MAGI1: variants seen among roughly 807,000 people sequenced by gnomAD.
MAGI1 encodes membrane associated guanylate kinase, WW and PDZ domain containing 1.
In MAGI1, 58 loss-of-function variants were observed where a neutral mutation model predicts 139.9. That is an observed-to-expected ratio of 0.41 (90% CI 0.34 to 0.52). The LOEUF (loss-of-function observed/expected upper bound fraction) is 0.52. MAGI1 is among the 20% of genes least tolerant of loss of function. The pLI, the probability that MAGI1 is intolerant of heterozygous loss-of-function variation, is 0.12. For missense variants in MAGI1, 1,874 were observed against 1,901.6 expected (o/e 0.99, Z 0.27); for synonymous variants, 812 against 737.9 (o/e 1.10, Z -1.63).
intron 12 of MAGI1, among the ~76,000 whole-genome samples, chr3:65,428,171 C>T (rs1461900643): frequency 6.6e-6 from 1 of 152,106 alleles, no homozygotes; most frequent in African/African-American, 2.4e-5. Context: ...CAAATGAGCT[C>T]TCCTGTTGCA....
chr3:65,404,685 A>G (rs1306413176), intron 12 of MAGI1, among the ~76,000 whole-genome samples: 1 of 152,230 alleles, frequency 6.6e-6, no homozygotes, highest in Non-Finnish European at 1.5e-5. Flanking sequence ...AGCCCAAACT[A>G]TTCAGATGGA....
At chr3:65,455,984 C>T (rs528686441) in intron 5 of MAGI1, among the ~76,000 whole-genome samples, 14 of 152,264 alleles carry the variant, frequency 9.2e-5, no homozygotes, top group African/African-American at 2.6e-4. Context: ...TTGTTATAAA[C>T]ATTCATGTAC....
chr3:65,626,218 A>G (rs2083962759), intron 1 of MAGI1, among the ~76,000 whole-genome samples: 1 of 152,230 alleles, frequency 6.6e-6, no homozygotes, highest in African/African-American at 2.4e-5. Context: ...GAGTTTTCAG[A>G]TACAGTAACT....
At chr3:65,441,932 A>C (rs1948366150) in intron 8 of MAGI1, among the ~76,000 whole-genome samples, 1 of 152,214 alleles carries the variant, frequency 6.6e-6, no homozygotes, top group Non-Finnish European at 1.5e-5. Context: ...CATCACCAGC[A>C]GCATAAAGGA....
chr3:65,582,953 G>T (rs1008568648), intron 2 of MAGI1, among the ~76,000 whole-genome samples: 1 of 152,134 alleles, frequency 6.6e-6, no homozygotes, highest in Non-Finnish European at 1.5e-5. Context: ...CCACATATAT[G>T]ATTTTAAGTT....
At chr3:65,961,508 C>T (rs1038231968) in intron 1 of MAGI1, among the ~76,000 whole-genome samples, 3 of 152,068 alleles carry the variant, frequency 2.0e-5, no homozygotes, top group African/African-American at 7.2e-5. Flanking sequence ...GTAAAAACCC[C>T]CCAAAAATCC....
At chr3:65,411,307 T>C (rs1235241953) in intron 12 of MAGI1, among the ~76,000 whole-genome samples, 1 of 152,228 alleles carries the variant, frequency 6.6e-6, no homozygotes, top group Non-Finnish European at 1.5e-5. Context: ...TTGAGGCTTC[T>C]AGTACCTATA....
At chr3:65,500,685 C>T (rs974151285) in intron 2 of MAGI1, among the ~76,000 whole-genome samples, 2 of 152,166 alleles carry the variant, frequency 1.3e-5, no homozygotes, top group Non-Finnish European at 2.9e-5. Context: ...CAACGCCATG[C>T]GGTTTCAAGA....
chr3:65,544,184 T>C (rs895644593), intron 2 of MAGI1, among the ~76,000 whole-genome samples: 1 of 152,208 alleles, frequency 6.6e-6, no homozygotes, highest in Admixed American at 6.5e-5. Context: ...TTACAAATTA[T>C]AATAAATGAT....
intron 1 of MAGI1, among the ~76,000 whole-genome samples, chr3:65,891,431 C>T (rs900345769): frequency 3.3e-5 from 5 of 151,948 alleles, no homozygotes; most frequent in Admixed American, 6.6e-5. Flanking sequence ...AGGTAAGCAC[C>T]ATCAATAAAA....
intron 1 of MAGI1, among the ~76,000 whole-genome samples, chr3:65,861,083 C>T (rs1033009612): frequency 2.0e-5 from 3 of 152,154 alleles, no homozygotes; most frequent in Non-Finnish European, 2.9e-5. Context: ...ACAGCCACAA[C>T]GCGGCCTTTG....
At chr3:65,834,598 G>A (rs1471144514) in intron 1 of MAGI1, among the ~76,000 whole-genome samples, 1 of 152,176 alleles carries the variant, frequency 6.6e-6, no homozygotes, top group Admixed American at 6.5e-5. Context: ...GATTCAGTTA[G>A]CTGATGGTGT....
At chr3:65,395,023 A>G (rs1007535027) in intron 13 of MAGI1, among the ~76,000 whole-genome samples, 2 of 152,174 alleles carry the variant, frequency 1.3e-5, no homozygotes, top group African/African-American at 2.4e-5. Flanking sequence ...AAGAACATGG[A>G]AAAATGGAAA....
intron 1 of MAGI1, among the ~76,000 whole-genome samples, chr3:65,783,848 T>C (rs1577103519): frequency 6.7e-6 from 1 of 148,692 alleles, no homozygotes; most frequent in African/African-American, 2.5e-5. Context: ...GCAGGCCAGG[T>C]GTGGTGGCCC....
At chr3:65,714,096 G>A (rs370038224) in intron 1 of MAGI1, among the ~76,000 whole-genome samples, 10 of 152,212 alleles carry the variant, frequency 6.6e-5, no homozygotes, top group South Asian at 4.2e-4. Context: ...GCATGCCACC[G>A]CACTGGGTTG....
intron 1 of MAGI1, among the ~76,000 whole-genome samples, chr3:65,889,398 G>C (rs1018053131): frequency 4.6e-5 from 7 of 152,124 alleles, no homozygotes; most frequent in African/African-American, 1.7e-4. Context: ...TTTCTCTTCT[G>C]GGCTTAGCGA....
chr3:65,386,720 G>A (rs1943473089), intron 14 of MAGI1, among the ~76,000 whole-genome samples: 2 of 152,194 alleles, frequency 1.3e-5, no homozygotes, highest in South Asian at 4.1e-4. Context: ...TTTTGAGTGA[G>A]GCTAAATCAA....
intron 12 of MAGI1, among the ~76,000 whole-genome samples, chr3:65,424,696 C>T (rs1419962352): frequency 6.6e-6 from 1 of 152,150 alleles, no homozygotes; most frequent in Non-Finnish European, 1.5e-5. Flanking sequence ...AAAAGTCTGT[C>T]ACTTACAAAA....
chr3:65,556,637 A>G (rs2080097350), intron 2 of MAGI1, among the ~76,000 whole-genome samples: 1 of 152,194 alleles, frequency 6.6e-6, no homozygotes, highest in South Asian at 2.1e-4. Flanking sequence ...TCTCCTGCCA[A>G]TATTCTCATC....
Sources: allele counts gnomAD v4.1 joint callset (sites outside exome capture counted in the v4.1 genomes callset), GRCh38; gene constraint gnomAD v4.1.1; transcripts MANE v1.5; gene names NCBI Gene and HGNC (gene_info 2026-07-23, HGNC 2026-07-21).